Variants in CSMD1 observed in about 807,000 individuals in gnomAD.
CSMD1 encodes CUB and Sushi multiple domains 1, also known as CUB and sushi domain-containing protein 1.
In CSMD1, 213 loss-of-function variants were observed where a neutral mutation model predicts 417.5. The ratio of observed to expected loss-of-function variants is 0.51; its 90% CI spans 0.46 to 0.57. CSMD1 has a LOEUF of 0.57. Among genes scored for constraint, CSMD1 ranks in the 20% least tolerant of loss-of-function variants. The probability of loss-of-function intolerance (pLI) is 0.00; values close to 1 mark genes in which losing one functional copy is unlikely to be tolerated. For synonymous variants in CSMD1, 2,862 were observed against 1,736.8 expected (o/e 1.65, Z -16.11); for missense variants, 6,923 against 4,529.7 (o/e 1.53, Z -15.17).
At chr8:3,733,800 C>T (rs1472201148) in intron 6 of CSMD1, among the ~76,000 whole-genome samples, 2 of 152,168 alleles carry the variant, frequency 1.3e-5, no homozygotes, top group Non-Finnish European at 2.9e-5. Context: ...TACTTGCATA[C>T]TGTTAGAACT....
intron 49 of CSMD1, among the ~76,000 whole-genome samples, chr8:3,084,702 G>A (rs1301135390): frequency 6.6e-6 from 1 of 151,780 alleles, no homozygotes; most frequent in South Asian, 2.1e-4. Flanking sequence ...AAACTGTTGG[G>A]GCATAAATTG....
chr8:3,565,575 G>A (rs957965001), intron 10 of CSMD1, among the ~76,000 whole-genome samples: 1 of 152,266 alleles, frequency 6.6e-6, no homozygotes, highest in East Asian at 1.9e-4. Context: ...GCAAGTGAAT[G>A]CCTCTTCTTC....
chr8:3,110,334 G>A lies in CSMD1; in HGVS notation c.6432C>T (p.Ala2144=), dbSNP rs1411319793. ...NWNYPFPRCD[A]PCGYNVTSQN... ...GAGAAGTTACGTTGTACCCACAAGG[G>A]GCTGCAAAGGAAACCAAGAAAAAAC... Residue 2144 remains alanine (A), a splice_region_variant and synonymous_variant, in exon 43 of 70, where the codon GCC becomes GCT. Coordinates refer to ENST00000635120, the MANE Select transcript of CSMD1 (RefSeq NM_033225.6). The A allele has an allele frequency of 6.3e-7, 1 of 1,595,020 alleles. No homozygotes were observed. The highest frequency in any genetic ancestry group is 8.5e-7 in the Non-Finnish European group (1 of 1,171,188).
At chr8:4,579,482 C>T (rs1179351327) in intron 2 of CSMD1, among the ~76,000 whole-genome samples, 1 of 151,942 alleles carries the variant, frequency 6.6e-6, no homozygotes, top group Non-Finnish European at 1.5e-5. Context: ...CCTCCCTTAG[C>T]CTCTTAAGTA....
chr8:3,868,599 C>A (rs1805268639), intron 5 of CSMD1, among the ~76,000 whole-genome samples: 1 of 152,258 alleles, frequency 6.6e-6, no homozygotes, highest in African/African-American at 2.4e-5. Flanking sequence ...TCAGCTCACG[C>A]AATAGGACCC....
intron 5 of CSMD1, among the ~76,000 whole-genome samples, chr8:3,836,660 G>T (rs1039294102): frequency 6.6e-6 from 1 of 152,074 alleles, no homozygotes; most frequent in East Asian, 1.9e-4. Context: ...CATGAGACAC[G>T]TGAGTTCCTG....
intron 49 of CSMD1, among the ~76,000 whole-genome samples, chr8:3,061,318 A>AAAT (rs1385896094): frequency 1.3e-5 from 2 of 152,204 alleles, no homozygotes; most frequent in Non-Finnish European, 2.9e-5. Flanking sequence ...TTGTCATGAG[A>AAAT]AATAATAATT....
At chr8:4,631,377 A>G (rs1404824999) in intron 2 of CSMD1, among the ~76,000 whole-genome samples, 2 of 151,492 alleles carry the variant, frequency 1.3e-5, no homozygotes, top group Non-Finnish European at 2.9e-5. Flanking sequence ...AATAAAATAA[A>G]ATAAAATGAT....
intron 10 of CSMD1, among the ~76,000 whole-genome samples, chr8:3,513,921 TAAG>T (rs1393572443): frequency 6.6e-6 from 1 of 152,108 alleles, no homozygotes; most frequent in Non-Finnish European, 1.5e-5. Flanking sequence ...GGCCAGAACA[TAAG>T]AAGGGGCCAT....
intron 8 of CSMD1, among the ~76,000 whole-genome samples, chr8:3,595,675 T>A (rs1016086066): frequency 1.3e-5 from 2 of 152,188 alleles, no homozygotes; most frequent in Non-Finnish European, 2.9e-5. Context: ...AAGCACCGCA[T>A]TGACAATGAG....
chr8:4,828,370 T>C (rs965388544), intron 1 of CSMD1, among the ~76,000 whole-genome samples: 3 of 152,200 alleles, frequency 2.0e-5, no homozygotes, highest in Admixed American at 1.3e-4. Context: ...GACCTGAATA[T>C]GGAAGACCAC....
chr8:4,907,143 T>C (rs1234074708), intron 1 of CSMD1, among the ~76,000 whole-genome samples: 3 of 152,220 alleles, frequency 2.0e-5, no homozygotes, highest in African/African-American at 4.8e-5. Flanking sequence ...TAGGGAATAA[T>C]GATGAAATAT....
chr8:3,380,116 C>G (rs936856523), intron 18 of CSMD1, among the ~76,000 whole-genome samples: 1 of 152,130 alleles, frequency 6.6e-6, no homozygotes, highest in Non-Finnish European at 1.5e-5. Context: ...GACATTTATG[C>G]AGCCAACAAA....
At chr8:3,063,802 A>G (rs140962805) in intron 49 of CSMD1, among the ~76,000 whole-genome samples, 25 of 152,304 alleles carry the variant, frequency 1.6e-4, no homozygotes, top group African/African-American at 5.1e-4. Context: ...AAGTAAAATG[A>G]TGGCTTGTAG....
chr8:4,341,517 C>G lies in CSMD1; in HGVS notation c.415+78436G>C, dbSNP rs11782011. Among the ~76,000 whole-genome samples, 61 of 152,154 alleles carry G rather than the reference C, an allele frequency of 4.0e-4. 1 individual carries two copies. The South Asian group carries it at 8.3e-3, about 21-fold the overall frequency. Reference sequence around the variant, plus strand: ...CTGCATATCATGAATGTGGCCCTTTCTAGGAAGCAAACCCATGGAAACATT... The same window carrying G: ...CTGCATATCATGAATGTGGCCCTTTGTAGGAAGCAAACCCATGGAAACATT... On this transcript the variant is annotated intron_variant, in intron 3 of 69. Coordinates refer to ENST00000635120, the MANE Select transcript of CSMD1 (RefSeq NM_033225.6).
chr8:4,000,370 A>T (rs1016293830), intron 4 of CSMD1, among the ~76,000 whole-genome samples: 1 of 152,250 alleles, frequency 6.6e-6, no homozygotes, highest in East Asian at 1.9e-4. Context: ...TCATACATAT[A>T]CAGTTCCCTG....
At chr8:3,946,859 A>G (rs1246896207) in intron 5 of CSMD1, among the ~76,000 whole-genome samples, 1 of 152,106 alleles carries the variant, frequency 6.6e-6, no homozygotes, top group Non-Finnish European at 1.5e-5. Context: ...TTGTTTTGAA[A>G]TTGCTCATTG....
At chr8:4,530,868 G>A (rs1344304356) in intron 2 of CSMD1, among the ~76,000 whole-genome samples, 1 of 151,846 alleles carries the variant, frequency 6.6e-6, no homozygotes, top group Non-Finnish European at 1.5e-5. Context: ...TCACAAAGAA[G>A]TAAAGTCAGC....
At chr8:3,302,187 G>A (rs718119) in intron 25 of CSMD1, among the ~76,000 whole-genome samples, 131,607 of 152,144 alleles carry the variant, frequency 0.87, 57,671 homozygotes, top group Middle Eastern at 0.95. Context: ...TTGGGAACAC[G>A]TGATGAGCTC....
Sources: gnomAD v4.1 joint callset for allele counts (sites outside exome capture counted in the v4.1 genomes callset) on GRCh38, gnomAD v4.1.1 for gene constraint, MANE v1.5 for transcripts, NCBI Gene and HGNC (gene_info 2026-07-23, HGNC 2026-07-21) for gene names.